Variants in FOXN3 observed in about 807,000 individuals in gnomAD.
The protein encoded by FOXN3 is forkhead box protein N3.
A neutral mutation model predicts 38.4 loss-of-function variants in FOXN3; 7 were observed. The observed-to-expected ratio is 0.18, with a 90% CI of 0.10 to 0.34. The LOEUF (loss-of-function observed/expected upper bound fraction) is 0.34, where lower values mean the gene tolerates loss of function less well. FOXN3 is among the 10% of genes least tolerant of loss of function. The probability of loss-of-function intolerance (pLI) is 1.00; values close to 1 mark genes in which losing one functional copy is unlikely to be tolerated. For synonymous variants in FOXN3, 230 were observed against 242.2 expected (o/e 0.95, Z 0.47); for missense variants, 456 against 613.4 (o/e 0.74, Z 2.71).
intron 1 of FOXN3, among the ~76,000 whole-genome samples, chr14:89,608,498 T>C (rs1351932073): frequency 6.6e-6 from 1 of 152,240 alleles, no homozygotes. Flanking sequence ...CATACATATA[T>C]GTGGTGTACA....
intron 1 of FOXN3, among the ~76,000 whole-genome samples, chr14:89,555,535 A>G (rs987366033): frequency 6.6e-6 from 1 of 152,156 alleles, no homozygotes. Flanking sequence ...AGAGCCATGT[A>G]TATTTTCTGT....
At chr14:89,444,719 A>C (rs1178616281) in intron 1 of FOXN3, among the ~76,000 whole-genome samples, 1 of 152,174 alleles carries the variant, frequency 6.6e-6, no homozygotes, top group Admixed American at 6.5e-5. Flanking sequence ...CTGTCACTTG[A>C]TGGATTACAA....
chr14:89,497,913 T>G (rs1428095640), intron 1 of FOXN3, among the ~76,000 whole-genome samples: 2 of 131,752 alleles, frequency 1.5e-5, no homozygotes, highest in Non-Finnish European at 3.2e-5. Flanking sequence ...ATTTCCTGTT[T>G]GTTTGTTTGG....
At chr14:89,609,541 T>C (rs1226026408) in intron 1 of FOXN3, among the ~76,000 whole-genome samples, 2 of 152,130 alleles carry the variant, frequency 1.3e-5, no homozygotes, top group African/African-American at 4.8e-5. Context: ...CAGGGACTCA[T>C]GATTTAGCCC....
intron 2 of FOXN3, among the ~76,000 whole-genome samples, chr14:89,375,264 A>G (rs997580069): frequency 6.6e-6 from 1 of 152,232 alleles, no homozygotes; most frequent in South Asian, 2.1e-4. Context: ...TTCATCGTCA[A>G]GTATATGTTG....
intron 4 of FOXN3, among the ~76,000 whole-genome samples, chr14:89,187,349 C>T (rs1308864026): frequency 6.6e-6 from 1 of 152,204 alleles, no homozygotes; most frequent in African/African-American, 2.4e-5. Context: ...AAATGTGTTG[C>T]TCTCCGAAGC....
chr14:89,356,006 T>A (rs563380998), intron 2 of FOXN3, among the ~76,000 whole-genome samples: 1 of 144,010 alleles, frequency 6.9e-6, no homozygotes, highest in Non-Finnish European at 1.5e-5. Flanking sequence ...GGATAGCCTG[T>A]AACAATTTCA....
chr14:89,433,431 G>A (rs1050295157), intron 1 of FOXN3, among the ~76,000 whole-genome samples: 9 of 152,138 alleles, frequency 5.9e-5, no homozygotes, highest in Non-Finnish European at 8.8e-5. Context: ...GCAGTTAGCC[G>A]AGATCGTGCC....
chr14:89,295,657 A>G (rs1336180539), intron 3 of FOXN3, among the ~76,000 whole-genome samples: 2 of 151,896 alleles, frequency 1.3e-5, no homozygotes, highest in Non-Finnish European at 2.9e-5. Context: ...GCACAATCGC[A>G]GCTCACTGCA....
intron 4 of FOXN3, among the ~76,000 whole-genome samples, chr14:89,264,259 T>C (rs1329327758): frequency 6.6e-6 from 1 of 151,974 alleles, no homozygotes; most frequent in Non-Finnish European, 1.5e-5. Context: ...GGCTCACAGT[T>C]CCACATGGCT....
rs151064575 is a variant in FOXN3, at chr14:89,273,399, G to A, written c.745+7551C>T. On this transcript the variant is annotated intron_variant, in intron 4 of 5. Coordinates refer to ENST00000557258, the MANE Select transcript of FOXN3 (RefSeq NM_005197.4). Reference sequence around the variant, plus strand: ...TTCACAAAACTGCCATTTTCTCAGTGTGCATCACTGGATTTTGGTTAAAAT... The same window carrying A: ...TTCACAAAACTGCCATTTTCTCAGTATGCATCACTGGATTTTGGTTAAAAT... Among the ~76,000 whole-genome samples, 512 of 152,316 alleles carry A rather than the reference G, an allele frequency of 3.4e-3. 3 individuals carry two copies. Among genetic ancestry groups the A allele is most frequent in the African/African-American group, 0.012 (489 of 41,548 alleles).
intron 1 of FOXN3, among the ~76,000 whole-genome samples, chr14:89,464,904 G>A (rs1480389431): frequency 1.3e-5 from 2 of 152,222 alleles, no homozygotes; most frequent in East Asian, 1.9e-4. Context: ...CACCATGTTG[G>A]CCAAGCTGGT....
At chr14:89,347,859 C>G (rs1888812388) in intron 3 of FOXN3, among the ~76,000 whole-genome samples, 1 of 152,092 alleles carries the variant, frequency 6.6e-6, no homozygotes, top group Admixed American at 6.5e-5. Context: ...GCGGCTGAGG[C>G]AGAAGAATCC....
intron 4 of FOXN3, 113 bp from the exon 5 acceptor site, chr14:89,180,919 G>GAGAACATGCATGGAGCAT: frequency 1.5e-6 from 1 of 655,224 alleles, no homozygotes; most frequent in Non-Finnish European, 2.6e-6. Flanking sequence ...ACAGAGGGCA[G>GAGAACATGCATGGAGCAT]AGACAGAGAG....
chr14:89,363,974 ATATATATAT>A (rs1205475753), intron 2 of FOXN3, among the ~76,000 whole-genome samples: 1 of 69,168 alleles, frequency 1.4e-5, no homozygotes. Flanking sequence ...ATATATATAT[ATATATATAT>A]ATATAATATA....
intron 2 of FOXN3, among the ~76,000 whole-genome samples, chr14:89,374,949 C>G (rs1457840317): frequency 6.6e-6 from 1 of 151,036 alleles, no homozygotes; most frequent in African/African-American, 2.4e-5. Flanking sequence ...TGCACTCCAG[C>G]CTGAGTGACA....
chr14:89,450,191 G>A lies in FOXN3; in HGVS notation c.-14-37701C>T, dbSNP rs7158258. ...TCTCTGCTCTTGCAAGTCTGCCTTAGAGCTCCTACCCTTACATGAGCCTTC... is the reference window on the plus strand; with the variant it reads ...TCTCTGCTCTTGCAAGTCTGCCTTAAAGCTCCTACCCTTACATGAGCCTTC... On this transcript the variant is annotated intron_variant, in intron 1 of 6. Transcript: ENST00000345097. Among the ~76,000 whole-genome samples, 457 of 152,312 alleles carry A rather than the reference G, an allele frequency of 3.0e-3. 2 individuals are homozygous for A. Among genetic ancestry groups the A allele is most frequent in the African/African-American group, 0.01 (436 of 41,570 alleles).
chr14:89,615,301 G>A (rs1012370342), intron 1 of FOXN3, among the ~76,000 whole-genome samples: 2 of 151,934 alleles, frequency 1.3e-5, no homozygotes, highest in Non-Finnish European at 2.9e-5. Flanking sequence ...TAGAAATTTG[G>A]CATAGCCATC....
At chr14:89,211,241 A>G (rs1023096474) in intron 4 of FOXN3, among the ~76,000 whole-genome samples, 5 of 152,220 alleles carry the variant, frequency 3.3e-5, no homozygotes, top group Admixed American at 3.3e-4. Flanking sequence ...TTGCAAGTAA[A>G]TTCATTTTTA....
Sources: gnomAD v4.1 joint callset for allele counts (sites outside exome capture counted in the v4.1 genomes callset) on GRCh38, gnomAD v4.1.1 for gene constraint, MANE v1.5 for transcripts, NCBI Gene and HGNC (gene_info 2026-07-23, HGNC 2026-07-21) for gene names.